Variants in SERINC1 observed in about 807,000 individuals in gnomAD.
SERINC1 encodes the protein tumor differentially expressed protein 2.
SERINC1 carries 38 observed loss-of-function variants against 52.9 expected under a neutral mutation model. The ratio of observed to expected loss-of-function variants is 0.72; its 90% CI spans 0.55 to 0.94. The LOEUF (loss-of-function observed/expected upper bound fraction) is 0.94, where lower values mean the gene tolerates loss of function less well. Among genes scored for constraint, SERINC1 ranks in the 40% least tolerant of loss-of-function variants. SERINC1 has a pLI of 0.00. For synonymous variants in SERINC1, 198 were observed against 183.1 expected, an observed-to-expected ratio of 1.08 and a Z score of -0.66; for missense variants, 471 against 533.9, an observed-to-expected ratio of 0.88 and a Z score of 1.16.
chr6:122,454,728 G>C (rs1019930547), intron 3 of SERINC1: 2 of 152,622 alleles, frequency 1.3e-5, no homozygotes, highest in African/African-American at 2.4e-5. Context: ...GAGATCATTG[G>C]GTCACTCCAC....
rs368551454 is a variant in SERINC1 at position 122,445,951 on chromosome 6, A to AT, written c.1227-773_1227-772insA. The stretch of plus-strand genomic sequence containing the variant: ...ATACGCTACAGTGTAAGAATTAAAA[A>AT]ATATATATACTTTTCAATAATAAAA... On this transcript the variant is annotated intron_variant, in intron 9 of 9. Transcript: ENST00000339697. 3.1e-3 allele frequency among the ~76,000 whole-genome samples: 465 copies of AT among 151,504 alleles called. 1 individual carries two copies. The highest frequency in any genetic ancestry group is 0.01 in the African/African-American group (433 of 41,404).
chr6:122,468,609 T>C (rs534220092), intron 1 of SERINC1, among the ~76,000 whole-genome samples: 1 of 152,344 alleles, frequency 6.6e-6, no homozygotes, highest in Non-Finnish European at 1.5e-5. Context: ...GATGCTGCCA[T>C]TCCTAAGAAT....
chr6:122,452,118 T>A (rs1241337174), intron 5 of SERINC1, 61 bp from the exon 6 acceptor site: 2 of 1,100,916 alleles, frequency 1.8e-6, no homozygotes, highest in African/African-American at 3.3e-5. Flanking sequence ...CAATTAGAAA[T>A]GGGACCTGTT....
intron 9 of SERINC1, 43 bp downstream of exon 9, chr6:122,446,718 AATCATAAAATGCC>A: frequency 8.6e-7 from 1 of 1,162,348 alleles, no homozygotes; most frequent in South Asian, 1.3e-5. Flanking sequence ...TTCACAAGAG[AATCATAAAATGCC>A]ATCAGAATTC....
chr6:122,469,312 A>G (rs1364140647), intron 1 of SERINC1, among the ~76,000 whole-genome samples: 2 of 151,950 alleles, frequency 1.3e-5, no homozygotes, highest in Admixed American at 1.3e-4. Flanking sequence ...TTTGTTTTTA[A>G]TTCTGGCTTA....
In SERINC1 at chr6:122,457,804, CATATAT is replaced by C. The variant is rs60098882; in HGVS notation, c.201+710_201+715del. Reference sequence around the variant, plus strand: ...AGCAGCCTGAACTGAGTAAGACATACATATATATATATATATATACATGTACACGAT... The same window carrying C: ...AGCAGCCTGAACTGAGTAAGACATACATATATATATATACATGTACACGAT... On this transcript the variant is annotated intron_variant, in intron 2 of 9. Coordinates refer to ENST00000339697, the MANE Select transcript of SERINC1 (RefSeq NM_020755.4). Among the ~76,000 whole-genome samples, 812 of 147,796 alleles carry C rather than the reference CATATAT, an allele frequency of 5.5e-3. 8 individuals are homozygous for C. The highest frequency in any genetic ancestry group is 0.019 in the African/African-American group (762 of 40,328).
At chr6:122,445,271 T>C in intron 9 of SERINC1, 92 bp from the exon 10 acceptor site, 1 of 1,227,374 alleles carries the variant, frequency 8.1e-7, no homozygotes, top group East Asian at 2.4e-5. Context: ...GAAGCGTGCT[T>C]TGTATACAGT....
chr6:122,460,130 G>A lies in SERINC1; in HGVS notation c.40-1449C>T, dbSNP rs578000340. On this transcript the variant is annotated intron_variant, in intron 1 of 9. Transcript: ENST00000339697. ...CACCCAGGCTGGAGTGCAGTGGTGC[G>A]ATCTCAGCTCACTGCAACCTTCCCC... 5.3e-5 allele frequency among the ~76,000 whole-genome samples: 8 copies of A among 152,196 alleles called. No individual in the cohort carries two copies. The East Asian group carries it at 9.7e-4, about 18-fold the overall frequency.
chr6:122,451,779 ATAT>A (rs1774912180), intron 6 of SERINC1, 25 bp from the exon 7 acceptor site: 7 of 330,186 alleles, frequency 2.1e-5, no homozygotes, highest in African/African-American at 2.9e-5. Context: ...AAAAAAAAAT[ATAT>A]ATATATATAT....
At chr6:122,450,339 C>T (rs971866777) in intron 7 of SERINC1, among the ~76,000 whole-genome samples, 35 of 152,234 alleles carry the variant, frequency 2.3e-4, no homozygotes, top group Non-Finnish European at 3.8e-4. Context: ...GTATGGGTTA[C>T]GGAATATTTT....
chr6:122,458,475 T>C, intron 2 of SERINC1, 45 bp downstream of exon 2: 4 of 1,379,594 alleles, frequency 2.9e-6, no homozygotes, highest in Non-Finnish European at 3.1e-6. Flanking sequence ...TATACATATA[T>C]ACCCTATAGC....
chr6:122,444,295 C>T lies in SERINC1; in HGVS notation c.*749G>A, dbSNP rs1774720445. 1 of 152,246 alleles carries T rather than the reference C, an allele frequency of 6.6e-6. No homozygotes were observed. The allele number at this position is 152,246 out of a possible 1,614,324, so 9.4% of individuals were successfully genotyped here. A position where few individuals can be genotyped will look rare whatever the true frequency, so the allele number is the denominator to read the frequency against. On this transcript the variant is annotated 3_prime_UTR_variant, in exon 10 of 10. Transcript: ENST00000339697. ...AGCTACCGTGCTGGCCCAAAACTAA[C>T]TTTCAAAGTGACTTTCAAACACTTC...
At chr6:122,467,265 G>C (rs1775206570) in intron 1 of SERINC1, among the ~76,000 whole-genome samples, 1 of 152,166 alleles carries the variant, frequency 6.6e-6, no homozygotes, top group South Asian at 2.1e-4. Flanking sequence ...TCTGAACTTA[G>C]AGATGCATAC....
Position 122,447,212 on chromosome 6 carries a change from T to C in SERINC1, c.904A>G (p.Thr302Ala), listed in dbSNP as rs746373522. The change falls in exon 8 of 10, where the codon ACT (threonine) becomes GCT (alanine). Residue 302 changes from threonine to alanine, a missense_variant. Physicochemically the swap from Thr to Ala is moderately conservative, Grantham distance 58. Transcript: ENST00000339697. ...LSIIGYNTTS[T>A]VPKEGQSVQW... is the part of the protein sequence containing the mutation. ...ACTGACTGCCCTTCCTTTGGGACAG[T>C]GCTTGTTGTATTGTAGCCAATTATG... The C allele has an allele frequency of 2.5e-6, 4 of 1,613,068 alleles. No homozygotes were observed. The highest frequency in any genetic ancestry group is 1.3e-5 in the African/African-American group (1 of 75,030).
Position 122,447,037 on chromosome 6 carries a change from A to G in SERINC1, c.996-33T>C, listed in dbSNP as rs1774819115. 4 of 1,582,142 alleles carry G rather than the reference A, an allele frequency of 2.5e-6. No homozygotes were observed. In the East Asian group the frequency reaches 9.0e-5, roughly 35 times the overall value. On this transcript the variant is annotated intron_variant, in intron 8 of 9. Coordinates refer to ENST00000339697, the MANE Select transcript of SERINC1 (RefSeq NM_020755.4). ...AAAGAGAGTTTAGGAGGAGAGAAAA[A>G]AAAGAACATTTTTAAAAGAAATGAT...
intron 1 of SERINC1, among the ~76,000 whole-genome samples, chr6:122,471,395 G>T (rs1008362518): frequency 2.0e-5 from 3 of 150,978 alleles, no homozygotes; most frequent in Non-Finnish European, 4.4e-5. Flanking sequence ...GGACCTCAAA[G>T]AATGGGAGAC....
rs1478720689 is a variant in SERINC1, at chr6:122,444,451, T to C, written c.*593A>G. ...TCACTTTGTTGGCAAAGGCCATCTC[T>C]ACCCAAGTAAGATTATTTACTCGTT... On this transcript the variant is annotated 3_prime_UTR_variant, in exon 10 of 10. Transcript: ENST00000339697. The C allele has an allele frequency of 6.6e-6, 1 of 152,298 alleles. No individual in the cohort carries two copies. The highest frequency in any genetic ancestry group is 1.5e-5 in the Non-Finnish European group (1 of 68,094). 9.4% of individuals were successfully genotyped at this position (152,298 alleles called of 1,614,324 possible). A position where few individuals can be genotyped will look rare whatever the true frequency, so the allele number is the denominator to read the frequency against.
In SERINC1 at chr6:122,446,818, G is replaced by A; in HGVS notation, c.1182C>T (p.Phe394=). The change falls in exon 9 of 10, where the codon TTC becomes TTT. Residue 394 remains phenylalanine, a synonymous_variant. Coordinates refer to ENST00000339697, the MANE Select transcript of SERINC1 (RefSeq NM_020755.4). ...YSYSFFHFML[F]LASLYIMMTL... is the part of the protein sequence containing the mutation. ...TCATCATGATATAAAGTGAAGCCAG[G>A]AAAAGCATGAAGTGAAAGAAGGAAT... The A allele has an allele frequency of 1.9e-6, 3 of 1,613,950 alleles. No individual in the cohort carries two copies. Among genetic ancestry groups the A allele is most frequent in the Non-Finnish European group, 2.5e-6 (3 of 1,179,878 alleles).
At chr6:122,466,439 T>A (rs1775193937) in intron 1 of SERINC1, among the ~76,000 whole-genome samples, 1 of 152,096 alleles carries the variant, frequency 6.6e-6, no homozygotes, top group African/African-American at 2.4e-5. Context: ...CACCTCAGCC[T>A]CTACAGAAGC....
Sources: gnomAD v4.1 joint callset for allele counts (sites outside exome capture counted in the v4.1 genomes callset) on GRCh38, gnomAD v4.1.1 for gene constraint, MANE v1.5 for transcripts, NCBI Gene and HGNC (gene_info 2026-07-23, HGNC 2026-07-21) for gene names.